ZNF395: variants seen among roughly 807,000 people sequenced by gnomAD.
ZNF395 encodes zinc finger protein 395.
A neutral mutation model predicts 57.7 loss-of-function variants in ZNF395; 20 were observed. The observed-to-expected ratio is 0.35, with a 90% CI of 0.24 to 0.50. The LOEUF (loss-of-function observed/expected upper bound fraction) is 0.50. ZNF395 is among the 20% of genes least tolerant of loss of function. The probability of loss-of-function intolerance (pLI) is 0.97; values close to 1 mark genes in which losing one functional copy is unlikely to be tolerated. For synonymous variants in ZNF395, 295 were observed against 275.9 expected (o/e 1.07, Z -0.69); for missense variants, 606 against 671.2 (o/e 0.90, Z 1.07).
chr8:28,377,696 GC>G (rs1802057819), intron 1 of ZNF395, among the ~76,000 whole-genome samples: 1 of 147,810 alleles, frequency 6.8e-6, no homozygotes, highest in Non-Finnish European at 1.5e-5. Flanking sequence ...CCCACTAACA[GC>G]CCCCTCTTGA....
At position 28,347,239 on chromosome 8, in the gene ZNF395, C is replaced by T. The variant is rs532755052; in HGVS notation, c.*1480G>A. ...TGGATGCTGACACTCCATCCCAGGACAGGTGGCTGGGTAGGATTCCCTGAG... is the reference window on the plus strand; with the variant it reads ...TGGATGCTGACACTCCATCCCAGGATAGGTGGCTGGGTAGGATTCCCTGAG... On this transcript the variant is annotated 3_prime_UTR_variant, in exon 10 of 10. Transcript: ENST00000344423. The T allele has an allele frequency of 6.6e-6, 1 of 152,240 alleles. No individual in the cohort carries two copies. Among genetic ancestry groups the T allele is most frequent in the African/African-American group, 2.4e-5 (1 of 41,456 alleles). The allele number at this position is 152,240 out of a possible 1,614,324, so 9.4% of individuals were successfully genotyped here. A position where few individuals can be genotyped will look rare whatever the true frequency, so the allele number is the denominator to read the frequency against.
intron 4 of ZNF395, among the ~76,000 whole-genome samples, chr8:28,354,365 A>AG (rs927145243): frequency 6.6e-6 from 1 of 152,192 alleles, no homozygotes; most frequent in Non-Finnish European, 1.5e-5. Flanking sequence ...ACCAAGAGAG[A>AG]GGGAAAAAAG....
At position 28,348,552 on chromosome 8, in the gene ZNF395, C is replaced by T. The variant is rs371978332; in HGVS notation, c.*167G>A. The T allele has an allele frequency of 4.6e-4, 287 of 627,768 alleles. 3 individuals carry two copies. In the South Asian group the frequency reaches 4.9e-3, roughly 11 times the overall value. The allele number at this position is 627,768 out of a possible 1,614,324, so 38.9% of individuals were successfully genotyped here. On this transcript the variant is annotated 3_prime_UTR_variant, in exon 10 of 10. Coordinates refer to ENST00000344423, the MANE Select transcript of ZNF395 (RefSeq NM_018660.3). ...TCTTTTTTTTAAAAAATAAAATGTT[C>T]GCACAATGGGAGAAAATTGCTTTAA...
At chr8:28,380,330 T>C (rs1802093943) in intron 1 of ZNF395, among the ~76,000 whole-genome samples, 1 of 152,222 alleles carries the variant, frequency 6.6e-6, no homozygotes, top group African/African-American at 2.4e-5. Context: ...CCTTACTGAA[T>C]TTTTTTCTGT....
In ZNF395 at chr8:28,361,604, A is replaced by G. The variant is rs183133725; in HGVS notation, c.-58-422T>C. 6.6e-5 allele frequency among the ~76,000 whole-genome samples: 10 copies of G among 152,298 alleles called. No individual in the cohort carries two copies. In the East Asian group the frequency reaches 1.2e-3, roughly 18 times the overall value. On this transcript the variant is annotated intron_variant, in intron 1 of 9. Coordinates refer to ENST00000344423, the MANE Select transcript of ZNF395 (RefSeq NM_018660.3). ...TTATTGTACCCAAAGGCTGCACCCA[A>G]TGGTCTGCTGTCTAAACTTCTCTGC... is the stretch of plus-strand genomic sequence containing the variant.
Position 28,359,877 on chromosome 8 carries a change from G to C in ZNF395, c.241-53C>G. The C allele has an allele frequency of 1.9e-6, 3 of 1,573,900 alleles. No homozygotes were observed. The highest frequency in any genetic ancestry group is 2.6e-6 in the Non-Finnish European group (3 of 1,153,376). On this transcript the variant is annotated intron_variant, in intron 2 of 9. Transcript: ENST00000344423. This position sits in a 1 kb window ranked among gnomAD's most constrained non-coding sequence, Gnocchi z 4.7. ...GTCAGCCCTGGATGGGTCTCGCCCT[G>C]AAGTTCTCATGCACCCCACGTCCCA...
chr8:28,351,415 G>A, intron 7 of ZNF395, 80 bp downstream of exon 7: 1 of 1,460,912 alleles, frequency 6.8e-7, no homozygotes, highest in Non-Finnish European at 9.2e-7. Flanking sequence ...CTTCCATCAG[G>A]GTGGTCGGTA....
At chr8:28,368,050 G>C (rs1801932524) in intron 1 of ZNF395, among the ~76,000 whole-genome samples, 1 of 152,200 alleles carries the variant, frequency 6.6e-6, no homozygotes, top group African/African-American at 2.4e-5. Context: ...GTGCATGTAT[G>C]TGGTGGGGCA....
chr8:28,382,495 C>G (rs1435766310), intron 1 of ZNF395, among the ~76,000 whole-genome samples: 1 of 152,128 alleles, frequency 6.6e-6, no homozygotes, highest in African/African-American at 2.4e-5. Flanking sequence ...TCTATACCTC[C>G]CCACATCTGC....
intron 1 of ZNF395, among the ~76,000 whole-genome samples, chr8:28,373,774 T>C (rs556927960): frequency 6.6e-6 from 1 of 152,286 alleles, no homozygotes; most frequent in Non-Finnish European, 1.5e-5. Context: ...CAATGGTATG[T>C]GCGACCTGTG....
At chr8:28,363,904 T>C (rs1009209088) in intron 1 of ZNF395, among the ~76,000 whole-genome samples, 2 of 152,194 alleles carry the variant, frequency 1.3e-5, no homozygotes, top group African/African-American at 4.8e-5. Flanking sequence ...CTGGTGAACC[T>C]GCCACTTCTG....
At chr8:28,351,969 G>A (rs1386418171) in intron 6 of ZNF395, among the ~76,000 whole-genome samples, 162 bp from the exon 7 acceptor site, 1 of 152,218 alleles carries the variant, frequency 6.6e-6, no homozygotes, top group Non-Finnish European at 1.5e-5. Context: ...GGTGTCACCA[G>A]GATTATGTGT....
At chr8:28,379,316 T>A (rs956317526) in intron 1 of ZNF395, among the ~76,000 whole-genome samples, 1 of 152,190 alleles carries the variant, frequency 6.6e-6, no homozygotes, top group Admixed American at 6.5e-5. Context: ...CTAGATCTTA[T>A]GATTAGATCA....
chr8:28,356,574 C>G lies in ZNF395; in HGVS notation c.583+96G>C, dbSNP rs1213449632. ...GAGGTGTCCCTGGACATTCTATTGCCAGGCTGGTGACATAGGCAACTAGCT... is the reference window on the plus strand; with the variant it reads ...GAGGTGTCCCTGGACATTCTATTGCGAGGCTGGTGACATAGGCAACTAGCT... On this transcript the variant is annotated intron_variant, in intron 4 of 9. Transcript: ENST00000344423. This position sits in a 1 kb window ranked among gnomAD's most constrained non-coding sequence, Gnocchi z 4.0. 7.1e-6 allele frequency: 6 copies of G among 841,752 alleles called. No homozygotes were observed. Among genetic ancestry groups the G allele is most frequent in the African/African-American group, 5.1e-5 (3 of 58,558 alleles). The allele number at this position is 841,752 out of a possible 1,614,324, so 52.1% of individuals were successfully genotyped here.
At chr8:28,349,935 G>A in intron 8 of ZNF395, 129 bp downstream of exon 8, 1 of 772,420 alleles carries the variant, frequency 1.3e-6, no homozygotes, top group South Asian at 2.2e-5. Context: ...ACGTTTGGGG[G>A]CTGAAAGCAA....
At position 28,359,713 on chromosome 8, in the gene ZNF395, T is replaced by G; in HGVS notation, c.352A>C (p.Arg118=). The change falls in exon 3 of 10, where the codon AGG becomes CGG. Residue 118 remains arginine (R), a synonymous_variant. Transcript: ENST00000344423. The surrounding 1 kb of genome is among the most constrained non-coding windows in gnomAD (Gnocchi z 4.7). ...LLEQKLQVCC[R]VEEVWLAELQ... ...TCTGCCAGCCACACCTCCTCCACCCTGCAGCAGACCTGCAGCTTCTGCTCC... is the reference window on the plus strand; with the variant it reads ...TCTGCCAGCCACACCTCCTCCACCCGGCAGCAGACCTGCAGCTTCTGCTCC... 6.2e-7 allele frequency: 1 copy of G among 1,614,110 alleles called. No homozygotes were observed. The highest frequency in any genetic ancestry group is 1.1e-5 in the South Asian group (1 of 91,086).
rs931977176 is a variant in ZNF395 at position 28,352,141 on chromosome 8, G to A, written c.921-334C>T. On this transcript the variant is annotated intron_variant, in intron 6 of 9. Coordinates refer to ENST00000344423, the MANE Select transcript of ZNF395 (RefSeq NM_018660.3). The surrounding 1 kb of genome is among the most constrained non-coding windows in gnomAD (Gnocchi z 4.0). ...GTCACGCTTTCTCCCCCAGGGCCAT[G>A]AGTCAGCTCCTACCACTAGCAGCCT... 6.6e-6 allele frequency among the ~76,000 whole-genome samples: 1 copy of A among 152,188 alleles called. No homozygotes were observed. Among genetic ancestry groups the A allele is most frequent in the African/African-American group, 2.4e-5 (1 of 41,448 alleles).
chr8:28,361,399 C>T (rs984308944), intron 1 of ZNF395, among the ~76,000 whole-genome samples: 2 of 152,222 alleles, frequency 1.3e-5, no homozygotes, highest in African/African-American at 4.8e-5. Context: ...AGGCTTCCTT[C>T]TGTGCATGTA....
intron 4 of ZNF395, among the ~76,000 whole-genome samples, chr8:28,355,319 G>C (rs946178608): frequency 2.0e-5 from 3 of 152,064 alleles, no homozygotes; most frequent in African/African-American, 7.2e-5. Flanking sequence ...TCAAGGTTTT[G>C]GTTGTTGTAT....
Sources: allele counts gnomAD v4.1 joint callset (sites outside exome capture counted in the v4.1 genomes callset), GRCh38; gene constraint gnomAD v4.1.1; non-coding constraint Gnocchi (gnomAD v3.1); transcripts MANE v1.5; gene names NCBI Gene and HGNC (gene_info 2026-07-23, HGNC 2026-07-21).